The following MARCHF3 variants were observed in gnomAD, a reference collection of about 807,000 sequenced individuals.
MARCHF3 encodes E3 ubiquitin-protein ligase MARCHF3.
Under a neutral mutation model 24.2 loss-of-function variants are expected in MARCHF3, and 13 were observed. The ratio of observed to expected loss-of-function variants is 0.54; its 90% CI spans 0.35 to 0.85. The LOEUF (loss-of-function observed/expected upper bound fraction) is 0.85. Among genes scored for constraint, MARCHF3 ranks in the 40% least tolerant of loss-of-function variants. The probability of loss-of-function intolerance (pLI) is 0.01; values close to 1 mark genes in which losing one functional copy is unlikely to be tolerated. For synonymous variants in MARCHF3, 144 were observed against 137.3 expected (o/e 1.05, Z -0.34); for missense variants, 276 against 325.0 (o/e 0.85, Z 1.16).
At position 126,899,714 on chromosome 5, in the gene MARCHF3, C is replaced by T. The variant is rs140959994; in HGVS notation, c.393+15216G>A. On this transcript the variant is annotated intron_variant, in intron 3 of 4. Transcript: ENST00000308660. ...GGAAAGAAGTGCCACTCTACTCTTC[C>T]AGCACTTGATCTGGCACAGCTCAGG... Among the ~76,000 whole-genome samples, 610 of 152,248 alleles carry T rather than the reference C, an allele frequency of 4.0e-3. 7 individuals carry two copies. Among genetic ancestry groups the T allele is most frequent in the African/African-American group, 0.014 (592 of 41,536 alleles).
At chr5:127,005,630 GAAGT>G (rs1428461448) in intron 1 of MARCHF3, among the ~76,000 whole-genome samples, 4 of 152,050 alleles carry the variant, frequency 2.6e-5, no homozygotes, top group South Asian at 2.1e-4. Flanking sequence ...TTTTTTCTGA[GAAGT>G]GAGTATATAT....
In MARCHF3 at chr5:126,888,649, T is replaced by C. The variant is rs1041418974; in HGVS notation, c.394-10255A>G. The stretch of plus-strand genomic sequence containing the variant: ...TCTGATCAATGTAAAGCAAGAAACA[T>C]GAGATAACCAAGACAGAATGGAGAG... On this transcript the variant is annotated intron_variant, in intron 3 of 4. Coordinates refer to ENST00000308660, the MANE Select transcript of MARCHF3 (RefSeq NM_178450.5). 2.6e-5 allele frequency among the ~76,000 whole-genome samples: 4 copies of C among 152,162 alleles called. No individual in the cohort carries two copies. The East Asian group carries it at 7.7e-4, about 29-fold the overall frequency.
At chr5:126,876,326 A>T (rs1753153360) in intron 4 of MARCHF3, among the ~76,000 whole-genome samples, 1 of 152,234 alleles carries the variant, frequency 6.6e-6, no homozygotes, top group Non-Finnish European at 1.5e-5. Context: ...CTTCTAAAAA[A>T]AATTATAGAC....
At chr5:126,960,262 T>C (rs962292863) in intron 1 of MARCHF3, among the ~76,000 whole-genome samples, 1 of 152,174 alleles carries the variant, frequency 6.6e-6, no homozygotes, top group Non-Finnish European at 1.5e-5. Flanking sequence ...CATCAAATTG[T>C]TTACGGTTTC....
chr5:126,980,531 C>A (rs114995352), intron 1 of MARCHF3, among the ~76,000 whole-genome samples: 2,501 of 152,042 alleles, frequency 0.016, 62 homozygotes, highest in African/African-American at 0.057. Context: ...CCACCAGGCT[C>A]GGCTAATTTT....
intron 3 of MARCHF3, among the ~76,000 whole-genome samples, chr5:126,878,934 C>A (rs942209715): frequency 6.6e-6 from 1 of 152,154 alleles, no homozygotes; most frequent in African/African-American, 2.4e-5. Flanking sequence ...GCCTTGGGCC[C>A]ACAATACTAG....
intron 3 of MARCHF3, among the ~76,000 whole-genome samples, chr5:126,909,230 A>G (rs1754417942): frequency 6.6e-6 from 1 of 152,254 alleles, no homozygotes; most frequent in Non-Finnish European, 1.5e-5. Context: ...CAAAGCTGTC[A>G]GACAGGGACA....
At chr5:126,874,226 A>G (rs575585593) in intron 4 of MARCHF3, among the ~76,000 whole-genome samples, 78 of 152,344 alleles carry the variant, frequency 5.1e-4, no homozygotes, top group African/African-American at 1.9e-3. Flanking sequence ...GAGAAGGGTT[A>G]GAAAATGTTA....
At chr5:126,988,542 A>G (rs1168295047) in intron 1 of MARCHF3, among the ~76,000 whole-genome samples, 1 of 152,258 alleles carries the variant, frequency 6.6e-6, no homozygotes, top group Non-Finnish European at 1.5e-5. Flanking sequence ...CTGTTTTCAC[A>G]GGGATTATTA....
At chr5:126,976,361 T>C (rs1751194009) in intron 1 of MARCHF3, among the ~76,000 whole-genome samples, 1 of 152,194 alleles carries the variant, frequency 6.6e-6, no homozygotes, top group Non-Finnish European at 1.5e-5. Context: ...TCATTCTGTC[T>C]TCTTGTTAGC....
At chr5:126,908,939 C>G (rs1044308778) in intron 3 of MARCHF3, among the ~76,000 whole-genome samples, 1 of 152,178 alleles carries the variant, frequency 6.6e-6, no homozygotes, top group South Asian at 2.1e-4. Context: ...GTTTCTTCCC[C>G]AAGTTTGTGG....
In MARCHF3 at chr5:126,868,269, G is replaced by A. The variant is rs765589757; in HGVS notation, c.*2364C>T. The A allele has an allele frequency of 4.6e-5, 7 of 152,156 alleles. No individual in the cohort carries two copies. Among genetic ancestry groups the A allele is most frequent in the African/African-American group, 7.2e-5 (3 of 41,412 alleles). The allele number at this position is 152,156 out of a possible 1,614,324, so 9.4% of individuals were successfully genotyped here. ...CCTCCAAGAGTTCAGAATCCCCTAT[G>A]GGCCCTGATGCTGATGGAGATCAGA... On this transcript the variant is annotated 3_prime_UTR_variant, in exon 5 of 5. Transcript: ENST00000308660.
chr5:126,932,607 G>A (rs769963554), intron 1 of MARCHF3, among the ~76,000 whole-genome samples: 5 of 152,170 alleles, frequency 3.3e-5, no homozygotes, highest in African/African-American at 4.8e-5. Context: ...AGGCACAGTG[G>A]GAACCTAAGG....
Position 126,993,175 on chromosome 5 carries a change from A to ATT in MARCHF3, c.-57+37174_-57+37175insAA, listed in dbSNP as rs759638517. Among the ~76,000 whole-genome samples the ATT allele has an allele frequency of 8.5e-5, 13 of 152,334 alleles. No homozygotes were observed. In the East Asian group the frequency reaches 2.5e-3, roughly 29 times the overall value. On this transcript the variant is annotated intron_variant, in intron 1 of 4. Transcript: ENST00000308660. ...CCTTGCACTGATTTTTCCGTTGAGT[A>ATT]TAAAAGGTGCTGACTACAGCAACAG...
At chr5:127,016,904 C>T (rs7729349) in intron 1 of MARCHF3, among the ~76,000 whole-genome samples, 70,339 of 151,916 alleles carry the variant, frequency 0.46, 16,763 homozygotes, top group East Asian at 0.67. Flanking sequence ...GAAAATGTGG[C>T]ACATATACAC....
At chr5:126,941,260 C>A (rs922357825) in intron 1 of MARCHF3, among the ~76,000 whole-genome samples, 76 of 152,280 alleles carry the variant, frequency 5.0e-4, no homozygotes, top group African/African-American at 1.8e-3. Context: ...AAAAGGAGAG[C>A]TGCTGAACTG....
chr5:126,984,129 G>T (rs1318082408), intron 1 of MARCHF3, among the ~76,000 whole-genome samples: 1 of 152,130 alleles, frequency 6.6e-6, no homozygotes, highest in Non-Finnish European at 1.5e-5. Flanking sequence ...CCAAGGGCAT[G>T]GGGGTGCTAC....
At chr5:126,981,948 T>C (rs114199272) in intron 1 of MARCHF3, among the ~76,000 whole-genome samples, 147 of 152,360 alleles carry the variant, frequency 9.6e-4, no homozygotes, top group African/African-American at 3.3e-3. Flanking sequence ...GGAAAATATC[T>C]AGGGCTGTTT....
At chr5:126,948,357 C>A (rs55952745) in intron 1 of MARCHF3, among the ~76,000 whole-genome samples, 14,020 of 152,090 alleles carry the variant, frequency 0.092, 1,435 homozygotes, top group African/African-American at 0.25. Context: ...GGTTGAAAAA[C>A]TCTGCAAATA....
Sources: allele counts gnomAD v4.1 joint callset (sites outside exome capture counted in the v4.1 genomes callset), GRCh38; gene constraint gnomAD v4.1.1; transcripts MANE v1.5; gene names NCBI Gene and HGNC (gene_info 2026-07-23, HGNC 2026-07-21).